The following UPK3B variants were observed in gnomAD, a reference collection of about 807,000 sequenced individuals.
UPK3B encodes uroplakin-3b.
Under a neutral mutation model 27.6 loss-of-function variants are expected in UPK3B, and 21 were observed. The observed-to-expected ratio is 0.76, with a 90% CI of 0.54 to 1.10. UPK3B has a LOEUF of 1.10. Among genes scored for constraint, UPK3B ranks in the 50% least tolerant of loss-of-function variants. UPK3B has a pLI of 0.00. For missense variants in UPK3B, 306 were observed against 376.1 expected (o/e 0.81, Z 1.54); for synonymous variants, 141 against 162.3 (o/e 0.87, Z 1.00).
At chr7:76,514,215 AGGCTGGTCTGGAACTGCTG>A in intron 5 of UPK3B, 139 bp downstream of exon 5, 1 of 1,378,718 alleles carries the variant, frequency 7.3e-7, no homozygotes, top group African/African-American at 1.4e-5. Flanking sequence ...TATGTTGCCC[AGGCTGGTCTGGAACTGCTG>A]GGCTCAAGCG....
At position 76,516,165 on chromosome 7, in the gene UPK3B, C is replaced by T. The variant is rs1207362298; in HGVS notation, c.*961C>T. 6 of 611,984 alleles carry T rather than the reference C, an allele frequency of 9.8e-6. 2 individuals carry two copies. Among genetic ancestry groups the T allele is most frequent in the East Asian group, 1.7e-4 (1 of 5,804 alleles). The allele number at this position is 611,984 out of a possible 1,614,324, so 37.9% of individuals were successfully genotyped here. On this transcript the variant is annotated 3_prime_UTR_variant, in exon 6 of 6. Transcript: ENST00000334348. ...GCCAGTGTGCATGCTCGCTGCTATT[C>T]GCTGCCCCTTCTGCCTCCGAGGCGG...
chr7:76,513,882 G>A, intron 4 of UPK3B, 65 bp from the exon 5 acceptor site: 2 of 1,606,322 alleles, frequency 1.2e-6, no homozygotes, highest in African/African-American at 1.3e-5. Flanking sequence ...AGGGAGCGAG[G>A]GAGGAGATGA....
intron 1 of UPK3B, 72 bp from the exon 2 acceptor site, chr7:76,510,831 G>A (rs1812495428): frequency 4.4e-6 from 7 of 1,602,246 alleles, no homozygotes; most frequent in African/African-American, 2.7e-5. Flanking sequence ...GCCCCCCTCC[G>A]ATTGGGAGAG....
chr7:76,511,700 G>A lies in UPK3B; in HGVS notation c.279G>A (p.Pro93=), dbSNP rs199603935. The change falls in exon 3 of 6, where the codon CCG becomes CCA. Residue 93 remains proline, a synonymous_variant. Coordinates refer to ENST00000334348, the MANE Select transcript of UPK3B (RefSeq NM_001347684.2). ...FQNPETLADI[P]ASPQLLTDGH... is the part of the protein sequence containing the mutation. ...ACCCGGAGACACTGGCTGACATTCC[G>A]GCCTCCCCACAGCTGCTGACCGATG... is the stretch of plus-strand genomic sequence containing the variant. 3.0e-5 allele frequency: 49 copies of A among 1,608,702 alleles called. No individual in the cohort carries two copies. Among genetic ancestry groups the A allele is most frequent in the Non-Finnish European group, 3.8e-5 (45 of 1,178,098 alleles).
At chr7:76,513,464 TGGA>T (rs1812612094) in intron 4 of UPK3B, among the ~76,000 whole-genome samples, 2 of 151,630 alleles carry the variant, frequency 1.3e-5, no homozygotes, top group Admixed American at 6.6e-5. Context: ...GAAGAGGGTG[TGGA>T]GGAGGTCAGG....
intron 4 of UPK3B, 32 bp from the exon 5 acceptor site, chr7:76,513,915 G>T: frequency 6.2e-7 from 1 of 1,612,818 alleles, no homozygotes; most frequent in Non-Finnish European, 8.5e-7. Flanking sequence ...GGGTCGAGGG[G>T]CAGCCCCTCT....
intron 3 of UPK3B, among the ~76,000 whole-genome samples, chr7:76,512,790 T>C (rs867845577): frequency 2.1e-4 from 32 of 149,468 alleles, no homozygotes; most frequent in Non-Finnish European, 4.0e-4. Flanking sequence ...CACCTGCTCT[T>C]TTGGCTTGTG....
At chr7:76,513,891 G>T in intron 4 of UPK3B, 56 bp from the exon 5 acceptor site, 1 of 1,608,038 alleles carries the variant, frequency 6.2e-7, no homozygotes, top group South Asian at 1.1e-5. Context: ...GGGAGGAGAT[G>T]ACAGCCAGCC....
At position 76,514,020 on chromosome 7, in the gene UPK3B, C is replaced by T. The variant is rs374739283; in HGVS notation, c.615C>T (p.Leu205=). The T allele has an allele frequency of 1.9e-6, 3 of 1,613,840 alleles. No individual in the cohort carries two copies. The highest frequency in any genetic ancestry group is 1.1e-5 in the South Asian group (1 of 91,088). ...GCATGATCGTCATTACCTCCATCCTCTCTTCTCTGGCCGGCCTCCTACTCT... is the reference window on the plus strand; with the variant it reads ...GCATGATCGTCATTACCTCCATCCTTTCTTCTCTGGCCGGCCTCCTACTCT... ...SGSMIVITSI[L]SSLAGLLLLA... The change falls in exon 5 of 6, where the codon CTC becomes CTT. Residue 205 remains leucine (L), a synonymous_variant. Coordinates refer to ENST00000334348, the MANE Select transcript of UPK3B (RefSeq NM_001347684.2).
At chr7:76,513,191 C>T (rs1584273908) in intron 4 of UPK3B, 28 bp downstream of exon 4, 2 of 1,600,950 alleles carry the variant, frequency 1.2e-6, no homozygotes, top group South Asian at 1.1e-5. Flanking sequence ...GGGCGCTGCC[C>T]CCAGTGGACT....
chr7:76,510,782 G>T (rs759151625), intron 1 of UPK3B, 45 bp downstream of exon 1: 1 of 1,586,100 alleles, frequency 6.3e-7, no homozygotes, highest in Non-Finnish European at 8.6e-7. Context: ...GACCCAAGGG[G>T]CTGGGGGCCC....
chr7:76,513,977 C>T lies in UPK3B; in HGVS notation c.572C>T (p.Pro191Leu), dbSNP rs748020025. Residue 191 changes from proline (P) to leucine (L), a missense_variant, in exon 5 of 6, where the codon CCA (proline) becomes CTA (leucine). Physicochemically the swap from Pro to Leu is moderately conservative, Grantham distance 98. Transcript: ENST00000334348. ...GKTPGSIDTWPGRRSGSMIVI... is the reference protein window; with the variant it reads ...GKTPGSIDTWLGRRSGSMIVI... ...ACCCCCGGATCCATCGACACCTGGC[C>T]AGGGCGGCGAAGTGGCAGCATGATC... The T allele has an allele frequency of 1.2e-5, 20 of 1,613,676 alleles. No homozygotes were observed. The South Asian group carries it at 2.1e-4, about 17-fold the overall frequency.
In UPK3B at chr7:76,515,165, C is replaced by A. The variant is rs752078717; in HGVS notation, c.792C>A (p.Cys264Ter). Reference sequence around the variant, plus strand: ...AGGCCGCCACACTGCCGGTGGGCTGCAAGCCTGGCCTGGACCCCCTCCCCA... The same window carrying A: ...AGGCCGCCACACTGCCGGTGGGCTGAAAGCCTGGCCTGGACCCCCTCCCCA... ...PREAATLPVG[C>*]KPGLDPLPSL... Residue 264 changes from cysteine to a stop codon, truncating the protein, a stop_gained, in exon 6 of 6, where the codon TGC becomes TGA. Coordinates refer to ENST00000334348, the MANE Select transcript of UPK3B (RefSeq NM_001347684.2). LOFTEE classifies it high-confidence loss of function. 1.3e-6 allele frequency: 2 copies of A among 1,596,882 alleles called. No homozygotes were observed. The highest frequency in any genetic ancestry group is 4.5e-5 in the East Asian group (2 of 44,064).
chr7:76,514,920 A>AAG, intron 5 of UPK3B, 125 bp from the exon 6 acceptor site: 1 of 1,276,376 alleles, frequency 7.8e-7, no homozygotes, highest in African/African-American at 1.5e-5. Context: ...AAAAAAAAAA[A>AAG]AAAAGAAAAG....
At position 76,514,000 on chromosome 7, in the gene UPK3B, A is replaced by G; in HGVS notation, c.595A>G (p.Ile199Val). ...GCCAGGGCGGCGAAGTGGCAGCATG[A>G]TCGTCATTACCTCCATCCTCTCTTC... Reference protein sequence around the residue: ...TWPGRRSGSMIVITSILSSLA... With the variant: ...TWPGRRSGSMVVITSILSSLA... Residue 199 changes from isoleucine (I) to valine (V), a missense_variant, in exon 5 of 6, where the codon ATC (isoleucine) becomes GTC (valine). This residue lies in a region of UPK3B where 174 missense variants were observed against 166.6 expected (regional missense o/e 1.04). Transcript: ENST00000334348. 1 of 1,613,734 alleles carries G rather than the reference A, an allele frequency of 6.2e-7. No homozygotes were observed. The highest frequency in any genetic ancestry group is 8.5e-7 in the Non-Finnish European group (1 of 1,179,894).
At position 76,516,094 on chromosome 7, in the gene UPK3B, G is replaced by A. The variant is rs540738974; in HGVS notation, c.*890G>A. 1.3e-3 allele frequency: 772 copies of A among 610,342 alleles called. 333 individuals are homozygous for A. The African/African-American group carries it at 0.034, about 27-fold the overall frequency. The allele number at this position is 610,342 out of a possible 1,614,324, so 37.8% of individuals were successfully genotyped here. ...GTGCACAAGGCCGGTGGTTCCCGTCGTCGCCACTCGGGGTCGCCGGTGAGC... is the reference window on the plus strand; with the variant it reads ...GTGCACAAGGCCGGTGGTTCCCGTCATCGCCACTCGGGGTCGCCGGTGAGC... On this transcript the variant is annotated 3_prime_UTR_variant, in exon 6 of 6. Transcript: ENST00000334348.
In UPK3B at chr7:76,512,963, G is replaced by A. The variant is rs539119404; in HGVS notation, c.462-121G>A. On this transcript the variant is annotated intron_variant, in intron 3 of 5. Coordinates refer to ENST00000334348, the MANE Select transcript of UPK3B (RefSeq NM_001347684.2). The stretch of plus-strand genomic sequence containing the variant: ...CAGGCCATGGGCTGCTGCTCTTGAC[G>A]GGCACCCCCACTCCACATCCATGGG... 2.5e-5 allele frequency: 19 copies of A among 749,314 alleles called. 1 individual carries two copies. Among genetic ancestry groups the A allele is most frequent in the East Asian group, 1.9e-4 (7 of 37,234 alleles). The allele number at this position is 749,314 out of a possible 1,614,324, so 46.4% of individuals were successfully genotyped here.
rs539516756 is a variant in UPK3B at position 76,515,123 on chromosome 7, C to T, written c.750C>T (p.His250=). ...GSFMGKRYMT[H]HIPPREAATL... The stretch of plus-strand genomic sequence containing the variant: ...TCATGGGCAAGCGCTACATGACCCA[C>T]CACATCCCACCCAGAGAGGCCGCCA... The change falls in exon 6 of 6, where the codon CAC becomes CAT. Residue 250 remains histidine, a synonymous_variant. Transcript: ENST00000334348. 3 of 1,602,070 alleles carry T rather than the reference C, an allele frequency of 1.9e-6. No individual in the cohort carries two copies. Among genetic ancestry groups the T allele is most frequent in the Admixed American group, 1.7e-5 (1 of 58,312 alleles).
At position 76,510,715 on chromosome 7, in the gene UPK3B, T is replaced by G; in HGVS notation, c.63T>G (p.Cys21Trp). Residue 21 changes from cysteine (C) to tryptophan (W), a missense_variant, in exon 1 of 6, where the codon TGT (cysteine) becomes TGG (tryptophan). By Grantham distance (215) the Cys-to-Trp change is radical (BLOSUM62 -2). Transcript: ENST00000334348. ...GLQMLLLALN[C>W]LRPSLSLELV... ...AGATGCTCCTCCTGGCGTTGAACTG[T>G]CTCCGGCCCAGCCTGAGCCTGGGTG... 1 of 1,517,376 alleles carries G rather than the reference T, an allele frequency of 6.6e-7. No individual in the cohort carries two copies. The highest frequency in any genetic ancestry group is 1.4e-5 in the African/African-American group (1 of 72,012). The allele number at this position is 1,517,376 out of a possible 1,614,324, so 94.0% of individuals were successfully genotyped here. A position where few individuals can be genotyped will look rare whatever the true frequency, so the allele number is the denominator to read the frequency against.
Sources: allele counts gnomAD v4.1 joint callset (sites outside exome capture counted in the v4.1 genomes callset), GRCh38; gene constraint gnomAD v4.1.1; regional missense constraint gnomAD v4.1.1; transcripts MANE v1.5; gene names NCBI Gene and HGNC (gene_info 2026-07-23, HGNC 2026-07-21).